Variants in RDX observed in about 807,000 individuals in gnomAD.
RDX encodes radixin.
Under a neutral mutation model 83.7 loss-of-function variants are expected in RDX, and 32 were observed. The ratio of observed to expected loss-of-function variants is 0.38; its 90% CI spans 0.29 to 0.51. The LOEUF is 0.51. RDX is among the 20% of genes least tolerant of loss of function. The pLI, the probability that RDX is intolerant of heterozygous loss-of-function variation, is 0.87. For missense variants in RDX, 600 were observed against 689.9 expected (o/e 0.87, Z 1.46); for synonymous variants, 229 against 222.7 (o/e 1.03, Z -0.25).
chr11:110,199,764 A>G, intron 14 of RDX: 1 of 700,190 alleles, frequency 1.4e-6, no homozygotes. Context: ...CTACTTGCTC[A>G]GCACATTGCA....
chr11:110,274,948 T>C (rs575321545), intron 2 of RDX, among the ~76,000 whole-genome samples: 1 of 152,348 alleles, frequency 6.6e-6, no homozygotes, highest in Admixed American at 6.5e-5. Context: ...AGTAATGAAG[T>C]GTGCACACCT....
At chr11:110,224,136 T>G (rs945736985) in intron 14 of RDX, among the ~76,000 whole-genome samples, 3 of 152,088 alleles carry the variant, frequency 2.0e-5, no homozygotes, top group Non-Finnish European at 4.4e-5. Flanking sequence ...AGATAATCTC[T>G]GAGTTATGTT....
intron 1 of RDX, among the ~76,000 whole-genome samples, chr11:110,289,979 A>AAAAAAAAAAAAAAAAAAAAAGAC (rs1555049799): frequency 6.9e-6 from 1 of 144,620 alleles, no homozygotes; most frequent in African/African-American, 2.7e-5. Flanking sequence ...AAAAAAAAAA[A>AAAAAAAAAAAAAAAAAAAAAGAC]AAACAAGGGT....
chr11:110,273,176 G>T (rs1051443211), intron 2 of RDX: 4 of 444,014 alleles, frequency 9.0e-6, no homozygotes, highest in South Asian at 1.6e-5. Context: ...TTGTACTACT[G>T]AACTTCAGCC....
At chr11:110,226,520 C>T (rs532570904), downstream of RDX, among the ~76,000 whole-genome samples, 4 of 151,926 alleles carry the variant, frequency 2.6e-5, no homozygotes, top group South Asian at 6.3e-4. Context: ...GGCTTCAGTC[C>T]GGGAAGATGA....
In RDX at chr11:110,198,223, A is replaced by G. The variant is rs190401019; in HGVS notation, c.*31+1358T>C. On this transcript the variant is annotated intron_variant, in intron 15 of 15. Coordinates refer to the RDX transcript ENST00000528498. ...AGCAAGTTGGGGGAACTCAAGATTT[A>G]CAACATAAACAACATTGTTGTGGTT... 6.1e-3 allele frequency among the ~76,000 whole-genome samples: 930 copies of G among 152,268 alleles called. 4 individuals are homozygous for G. Among genetic ancestry groups the G allele is most frequent in the African/African-American group, 0.02 (833 of 41,532 alleles).
chr11:110,194,115 A>G (rs78252632), intron 15 of RDX, among the ~76,000 whole-genome samples: 6,245 of 152,320 alleles, frequency 0.041, 428 homozygotes, highest in African/African-American at 0.14. Flanking sequence ...GAGAGTAAGA[A>G]CAGATGTGGC....
At chr11:110,282,421 T>G (rs568345971) in intron 1 of RDX, among the ~76,000 whole-genome samples, 2 of 152,108 alleles carry the variant, frequency 1.3e-5, no homozygotes, top group Non-Finnish European at 2.9e-5. Flanking sequence ...TTTTTTTTGA[T>G]ATGAAAAGAC....
intron 2 of RDX, among the ~76,000 whole-genome samples, chr11:110,275,772 T>A (rs1860488687): frequency 1.3e-5 from 2 of 149,798 alleles, no homozygotes; most frequent in East Asian, 3.9e-4. Flanking sequence ...GATACCAGTT[T>A]TTTACCATCC....
chr11:110,241,442 G>A lies in RDX; in HGVS notation c.1091-3790C>T, dbSNP rs558473336. On this transcript the variant is annotated intron_variant, in intron 10 of 13. Transcript: ENST00000645495. ...CTCCGGAGTAGCTGGGATTACAGACGTGTGTCACCACACCCAGCTAATTTT... is the reference window on the plus strand; with the variant it reads ...CTCCGGAGTAGCTGGGATTACAGACATGTGTCACCACACCCAGCTAATTTT... 4.6e-5 allele frequency among the ~76,000 whole-genome samples: 7 copies of A among 152,160 alleles called. No individual in the cohort carries two copies. In the East Asian group the frequency reaches 9.7e-4, roughly 21 times the overall value.
intron 11 of RDX, among the ~76,000 whole-genome samples, chr11:110,236,856 G>A (rs1235643567): frequency 6.6e-6 from 1 of 151,992 alleles, no homozygotes; most frequent in Non-Finnish European, 1.5e-5. Context: ...CTGACCTCAG[G>A]TGATCCACCT....
intron 10 of RDX, among the ~76,000 whole-genome samples, chr11:110,245,300 C>G (rs1277473929): frequency 6.6e-6 from 1 of 152,126 alleles, no homozygotes; most frequent in Non-Finnish European, 1.5e-5. Flanking sequence ...GGTGCAATGG[C>G]TCATGCCTAT....
At chr11:110,215,101 C>T (rs921085283) in intron 14 of RDX, among the ~76,000 whole-genome samples, 1 of 149,032 alleles carries the variant, frequency 6.7e-6, no homozygotes, top group African/African-American at 2.5e-5. Context: ...TGGCTTATGC[C>T]TGTGATCCCA....
At chr11:110,289,968 A>AAAAAAAAAAAAAAAC (rs1861159024) in intron 1 of RDX, among the ~76,000 whole-genome samples, 2 of 147,250 alleles carry the variant, frequency 1.4e-5, no homozygotes, top group African/African-American at 5.0e-5. Context: ...AAAAAAAAAA[A>AAAAAAAAAAAAAAAC]AAAAAAAAAA....
chr11:110,253,525 G>A (rs1241522171), intron 9 of RDX, among the ~76,000 whole-genome samples: 1 of 152,024 alleles, frequency 6.6e-6, no homozygotes, highest in African/African-American at 2.4e-5. Context: ...TCTTTGGCAG[G>A]GAGTACTGAT....
At chr11:110,195,407 T>C (rs1863183018) in intron 15 of RDX, among the ~76,000 whole-genome samples, 1 of 152,204 alleles carries the variant, frequency 6.6e-6, no homozygotes, top group Non-Finnish European at 1.5e-5. Flanking sequence ...ATCCCAGCTC[T>C]GCCACTGAAC....
At chr11:110,269,375 T>TAAAGGAGAAGGCTAGTCAAGA (rs1162368229) in intron 3 of RDX, among the ~76,000 whole-genome samples, 1 of 152,082 alleles carries the variant, frequency 6.6e-6, no homozygotes, top group Non-Finnish European at 1.5e-5. Context: ...AAGAAGCAGC[T>TAAAGGAGAAGGCTAGTCAAGA]AAAGGAGAAG....
chr11:110,280,869 G>A (rs1860734096), intron 1 of RDX, among the ~76,000 whole-genome samples: 1 of 152,028 alleles, frequency 6.6e-6, no homozygotes, highest in Non-Finnish European at 1.5e-5. Flanking sequence ...TGCTGTTTAA[G>A]ATGCCATAAC....
At chr11:110,216,969 T>G (rs968538098) in intron 14 of RDX, among the ~76,000 whole-genome samples, 2 of 152,218 alleles carry the variant, frequency 1.3e-5, no homozygotes, top group Non-Finnish European at 1.5e-5. Flanking sequence ...ACCCCATATG[T>G]AAAGGGCTGA....
Sources: gnomAD v4.1 joint callset for allele counts (sites outside exome capture counted in the v4.1 genomes callset) on GRCh38, gnomAD v4.1.1 for gene constraint, MANE v1.5 for transcripts, NCBI Gene and HGNC (gene_info 2026-07-23, HGNC 2026-07-21) for gene names.